The following LARGE1 variants were observed in gnomAD, a reference collection of about 807,000 sequenced individuals.
The protein encoded by LARGE1 is xylosyl- and glucuronyltransferase LARGE1.
LARGE1 carries 43 observed loss-of-function variants against 87.6 expected under a neutral mutation model. The observed-to-expected ratio is 0.49, with a 90% confidence interval of 0.38 to 0.63. The LOEUF (loss-of-function observed/expected upper bound fraction) is 0.63, where lower values mean the gene tolerates loss of function less well. Ranked by LOEUF, LARGE1 falls within the 30% of genes least tolerant of loss-of-function variation. The pLI, the probability that LARGE1 is intolerant of heterozygous loss-of-function variation, is 0.00. For missense variants in LARGE1, 802 were observed against 1,000.2 expected (o/e 0.80, Z 2.67); for synonymous variants, 434 against 394.6 (o/e 1.10, Z -1.18).
chr22:33,672,099 A>G (rs2081432293), intron 2 of LARGE1, among the ~76,000 whole-genome samples: 1 of 152,190 alleles, frequency 6.6e-6, no homozygotes, highest in East Asian at 1.9e-4. Context: ...AGGTAATAAA[A>G]AAATCATCAT....
At chr22:33,810,809 C>T (rs150491665) in intron 1 of LARGE1, among the ~76,000 whole-genome samples, 42 of 152,016 alleles carry the variant, frequency 2.8e-4, no homozygotes, top group Middle Eastern at 3.4e-3. Flanking sequence ...CTGCAACTTC[C>T]GCCTCCCGGG....
chr22:33,276,119 A>G (rs1448662921), intron 14 of LARGE1, among the ~76,000 whole-genome samples: 1 of 152,044 alleles, frequency 6.6e-6, no homozygotes, highest in Non-Finnish European at 1.5e-5. Context: ...TCAGTATCCA[A>G]CCTTAGCTTT....
chr22:33,209,535 T>C (rs1924853766), intron 11 of LARGE1, among the ~76,000 whole-genome samples: 1 of 152,242 alleles, frequency 6.6e-6, no homozygotes, highest in Non-Finnish European at 1.5e-5. Flanking sequence ...TCAGTTTTGC[T>C]CATAAAAACA....
chr22:33,266,310 C>A (rs1280479199), intron 11 of LARGE1, among the ~76,000 whole-genome samples: 2 of 149,924 alleles, frequency 1.3e-5, no homozygotes, highest in Admixed American at 6.6e-5. Context: ...CAACCTCCAC[C>A]TCCTCGGTTC....
intron 2 of LARGE1, among the ~76,000 whole-genome samples, chr22:33,703,369 A>T (rs1383741512): frequency 2.0e-5 from 3 of 151,962 alleles, no homozygotes; most frequent in East Asian, 1.9e-4. Flanking sequence ...AAAAAAAAAA[A>T]AATAAAATAA....
chr22:33,536,899 C>A (rs1219768831), intron 6 of LARGE1, among the ~76,000 whole-genome samples: 1 of 152,212 alleles, frequency 6.6e-6, no homozygotes, highest in Non-Finnish European at 1.5e-5. Context: ...ACAACCTCTG[C>A]CTCCCGGGTT....
At chr22:33,877,929 T>A (rs995895740) in intron 1 of LARGE1, among the ~76,000 whole-genome samples, 83 of 150,864 alleles carry the variant, frequency 5.5e-4, no homozygotes, top group Admixed American at 1.3e-3. Context: ...CTCAAAAAAA[T>A]AATAATAATA....
intron 5 of LARGE1, among the ~76,000 whole-genome samples, chr22:33,602,096 T>A (rs576358880): frequency 6.6e-6 from 1 of 152,304 alleles, no homozygotes; most frequent in East Asian, 1.9e-4. Flanking sequence ...ACAAGTGGAA[T>A]GAAGCATTTT....
chr22:33,343,179 A>C (rs60015952), intron 9 of LARGE1, among the ~76,000 whole-genome samples: 3,486 of 152,194 alleles, frequency 0.023, 136 homozygotes, highest in African/African-American at 0.08. Flanking sequence ...CCCAGGCTGG[A>C]GTACAGTGGT....
intron 1 of LARGE1, among the ~76,000 whole-genome samples, chr22:33,796,150 C>A (rs957088223): frequency 5.9e-5 from 9 of 152,156 alleles, no homozygotes; most frequent in Non-Finnish European, 1.3e-4. Flanking sequence ...ATGTACCTCA[C>A]AGGAGTTCTG....
intron 5 of LARGE1, among the ~76,000 whole-genome samples, chr22:33,573,603 A>T (rs1302050225): frequency 6.6e-6 from 1 of 152,212 alleles, no homozygotes; most frequent in Admixed American, 6.5e-5. Flanking sequence ...TGATGAAGGA[A>T]ACATGGCTGA....
the LARGE1 span, among the ~76,000 whole-genome samples, chr22:33,151,593 A>G: frequency 2.6e-5 from 4 of 152,066 alleles, no homozygotes; most frequent in African/African-American, 9.7e-5. Context: ...TGTTGTTGAT[A>G]CTCTATCAGA....
At chr22:33,794,767 G>A (rs905501239) in intron 1 of LARGE1, among the ~76,000 whole-genome samples, 5 of 152,002 alleles carry the variant, frequency 3.3e-5, no homozygotes, top group African/African-American at 9.7e-5. Flanking sequence ...TTACAGGTAC[G>A]TGCCACCACA....
chr22:33,096,817 G>A, the LARGE1 span, among the ~76,000 whole-genome samples: 3 of 152,026 alleles, frequency 2.0e-5, no homozygotes, highest in South Asian at 2.1e-4. Context: ...CGCCCGCCTC[G>A]GCCTCCCAAA....
At chr22:33,396,011 T>C (rs887417345) in intron 7 of LARGE1, among the ~76,000 whole-genome samples, 3 of 152,258 alleles carry the variant, frequency 2.0e-5, no homozygotes, top group African/African-American at 7.2e-5. Flanking sequence ...GTTTGAGTCC[T>C]CACTGGCTTT....
chr22:33,201,100 G>A (rs1383903621), intron 11 of LARGE1, among the ~76,000 whole-genome samples: 13 of 152,156 alleles, frequency 8.5e-5, no homozygotes, highest in Admixed American at 7.9e-4. Context: ...CTTGAGGTCA[G>A]GAGTTCGTGA....
chr22:33,500,064 C>A (rs1035081526), intron 6 of LARGE1, among the ~76,000 whole-genome samples: 1 of 152,188 alleles, frequency 6.6e-6, no homozygotes, highest in African/African-American at 2.4e-5. Context: ...CGTGAGTCAC[C>A]ACGACTGGAC....
chr22:33,259,170 A>G (rs1048446512), intron 11 of LARGE1, among the ~76,000 whole-genome samples: 1 of 151,976 alleles, frequency 6.6e-6, no homozygotes, highest in South Asian at 2.1e-4. Context: ...GAGCCACTAC[A>G]CCCGGCCAAC....
chr22:33,488,808 T>A (rs796935992), intron 6 of LARGE1, among the ~76,000 whole-genome samples: 32 of 152,250 alleles, frequency 2.1e-4, no homozygotes, highest in African/African-American at 6.7e-4. Context: ...ATGCAAGCAG[T>A]CATCATTCTA....
Sources: gnomAD v4.1 joint callset for allele counts (sites outside exome capture counted in the v4.1 genomes callset) on GRCh38, gnomAD v4.1.1 for gene constraint, MANE v1.5 for transcripts, NCBI Gene and HGNC (gene_info 2026-07-23, HGNC 2026-07-21) for gene names.